Variants in ADCY1 observed in about 807,000 individuals in gnomAD.
The protein encoded by ADCY1 is adenylate cyclase type 1.
In ADCY1, 28 loss-of-function variants were observed where a neutral mutation model predicts 105.4. The observed-to-expected ratio is 0.27, with a 90% CI of 0.20 to 0.36. ADCY1 has a LOEUF of 0.36. Ranked by LOEUF, ADCY1 falls within the 10% of genes least tolerant of loss-of-function variation. ADCY1 has a pLI of 1.00. For missense variants in ADCY1, 977 were observed against 1,434.2 expected (o/e 0.68, Z 5.15); for synonymous variants, 655 against 623.8 (o/e 1.05, Z -0.75).
Position 45,708,333 on chromosome 7 carries a change from C to T in ADCY1, c.2818-17C>T, listed in dbSNP as rs763196824. On this transcript the variant is annotated splice_polypyrimidine_tract_variant and intron_variant, in intron 17 of 19. Transcript: ENST00000297323. This position sits in a 1 kb window ranked among gnomAD's most constrained non-coding sequence, Gnocchi z 4.7. ...TTGCACTCCCCAGATGTAATGACCC[C>T]ATCTGTTTACACCTAGGCTAAGAAG... is the stretch of plus-strand genomic sequence containing the variant. 5.0e-6 allele frequency: 8 copies of T among 1,592,818 alleles called. No homozygotes were observed. Among genetic ancestry groups the T allele is most frequent in the African/African-American group, 1.3e-5 (1 of 74,488 alleles).
intron 4 of ADCY1, among the ~76,000 whole-genome samples, chr7:45,627,394 C>T (rs142751802): frequency 6.6e-6 from 1 of 152,338 alleles, no homozygotes; most frequent in African/African-American, 2.4e-5. Context: ...GCTAACCCTA[C>T]TCATTCATCA....
chr7:45,608,776 G>A (rs917234656), intron 2 of ADCY1, among the ~76,000 whole-genome samples: 1 of 152,192 alleles, frequency 6.6e-6, no homozygotes, highest in East Asian at 1.9e-4. Flanking sequence ...GAGGCCACAT[G>A]GGGGCTGCGG....
rs1229167516 is a variant in ADCY1 at position 45,718,467 on chromosome 7, T to C, written c.*4472T>C. 6.6e-6 allele frequency: 1 copy of C among 151,762 alleles called. No individual in the cohort carries two copies. Among genetic ancestry groups the C allele is most frequent in the African/African-American group, 2.4e-5 (1 of 41,250 alleles). The allele number at this position is 151,762 out of a possible 1,614,324, so 9.4% of individuals were successfully genotyped here. On this transcript the variant is annotated 3_prime_UTR_variant, in exon 20 of 20. Transcript: ENST00000297323. ...CTAGGCTTGCCTGGGTGTGAGAAGG[T>C]CGAACTGGGTGGCTTAGGCCTTCAA...
At chr7:45,670,771 A>C (rs947432119) in intron 8 of ADCY1, among the ~76,000 whole-genome samples, 13 of 151,982 alleles carry the variant, frequency 8.6e-5, no homozygotes, top group African/African-American at 3.1e-4. Flanking sequence ...CCCTGACCTG[A>C]GGGTAGACTT....
chr7:45,617,477 G>A (rs957704677), intron 3 of ADCY1, among the ~76,000 whole-genome samples: 1 of 152,338 alleles, frequency 6.6e-6, no homozygotes, highest in East Asian at 1.9e-4. Context: ...GGCCAAGGCT[G>A]TGACTGCTGG....
At chr7:45,606,211 G>T (rs1793368391) in intron 2 of ADCY1, among the ~76,000 whole-genome samples, 1 of 152,022 alleles carries the variant, frequency 6.6e-6, no homozygotes, top group Non-Finnish European at 1.5e-5. Context: ...TTACCAGCAG[G>T]TGGAGAGGGA....
intron 11 of ADCY1, among the ~76,000 whole-genome samples, chr7:45,683,863 C>T (rs1026832717): frequency 8.5e-5 from 13 of 152,232 alleles, no homozygotes; most frequent in Admixed American, 6.5e-4. Context: ...GGATCTTGCT[C>T]TAAAATCCTG....
At chr7:45,711,317 T>A (rs1785226320) in intron 19 of ADCY1, among the ~76,000 whole-genome samples, 1 of 151,914 alleles carries the variant, frequency 6.6e-6, no homozygotes, top group Non-Finnish European at 1.5e-5. Context: ...CCAGAGGCCA[T>A]GGAGGGAAGG....
intron 2 of ADCY1, among the ~76,000 whole-genome samples, chr7:45,593,649 C>T (rs1366446222): frequency 6.6e-6 from 1 of 152,208 alleles, no homozygotes; most frequent in Non-Finnish European, 1.5e-5. Context: ...TAGATTCTTC[C>T]CCTAGCCTTG....
rs1015570067 is a variant in ADCY1 at position 45,647,649 on chromosome 7, C to G, written c.1021-1021C>G. 2.0e-5 allele frequency among the ~76,000 whole-genome samples: 3 copies of G among 152,262 alleles called. No individual in the cohort carries two copies. In the East Asian group the frequency reaches 5.8e-4, roughly 29 times the overall value. The stretch of plus-strand genomic sequence containing the variant: ...GGATGCAGAAGTGGGTCACAGAATC[C>G]ACTGTCTGCCCTGGAGATGACGGCA... On this transcript the variant is annotated intron_variant, in intron 4 of 19. Coordinates refer to ENST00000297323, the MANE Select transcript of ADCY1 (RefSeq NM_021116.4). This position sits in a 1 kb window ranked among gnomAD's most constrained non-coding sequence, Gnocchi z 4.6.
chr7:45,668,278 C>G (rs561060963), intron 8 of ADCY1, among the ~76,000 whole-genome samples: 249 of 152,300 alleles, frequency 1.6e-3, no homozygotes, highest in African/African-American at 5.8e-3. Flanking sequence ...TCATAAATAG[C>G]TCTTACTATT....
rs149053434 is a variant in ADCY1, at chr7:45,686,060, C to T, written c.2172C>T (p.Cys724=). ...GQRTALPTLP[C]ESTHHALLCC... ...GCACAGCCCTGCCCACCCTGCCCTG[C>T]GAGTCTACACACCATGCCCTGCTCT... is the stretch of plus-strand genomic sequence containing the variant. The change falls in exon 13 of 20, where the codon TGC becomes TGT. Residue 724 remains cysteine (C), a synonymous_variant. Transcript: ENST00000297323. The surrounding 1 kb of genome is among the most constrained non-coding windows in gnomAD (Gnocchi z 4.3). 7.0e-5 allele frequency: 113 copies of T among 1,610,688 alleles called. No individual in the cohort carries two copies. Among genetic ancestry groups the T allele is most frequent in the Admixed American group, 1.2e-4 (7 of 59,704 alleles).
intron 3 of ADCY1, among the ~76,000 whole-genome samples, chr7:45,613,425 A>T (rs1433329203): frequency 6.6e-6 from 1 of 152,202 alleles, no homozygotes; most frequent in African/African-American, 2.4e-5. Context: ...AATGGAAAAG[A>T]CTGAAGAAAG....
chr7:45,714,327 A>T lies in ADCY1; in HGVS notation c.*332A>T. The T allele has an allele frequency of 2.9e-6, 1 of 341,064 alleles. No individual in the cohort carries two copies. The highest frequency in any genetic ancestry group is 5.4e-6 in the Non-Finnish European group (1 of 184,868). The allele number at this position is 341,064 out of a possible 1,614,324, so 21.1% of individuals were successfully genotyped here. ...GTTCAGGTTTGGCCAGGTCGGCATC[A>T]ATGTAAGGACCTTCAGAGCATCCCA... is the stretch of plus-strand genomic sequence containing the variant. On this transcript the variant is annotated 3_prime_UTR_variant, in exon 20 of 20. Transcript: ENST00000297323.
chr7:45,656,247 G>T (rs1468104774), intron 5 of ADCY1, among the ~76,000 whole-genome samples: 2 of 152,010 alleles, frequency 1.3e-5, no homozygotes, highest in Non-Finnish European at 2.9e-5. Flanking sequence ...AGCTTGCAGT[G>T]AGGGGAGATA....
rs1285594233 is a variant in ADCY1 at position 45,694,056 on chromosome 7, G to A, written c.2454+7383G>A. 2.3e-4 allele frequency among the ~76,000 whole-genome samples: 28 copies of A among 123,872 alleles called. 1 individual carries two copies. The highest frequency in any genetic ancestry group is 4.4e-4 in the Non-Finnish European group (27 of 61,368). 81.3% of individuals were successfully genotyped at this position (123,872 alleles called of 152,430 possible). ...GGTGCAGCGCACCAGCATGGCACATGTATACATATGTAACTAAGCTGCACA... is the reference window on the plus strand; with the variant it reads ...GGTGCAGCGCACCAGCATGGCACATATATACATATGTAACTAAGCTGCACA... On this transcript the variant is annotated intron_variant, in intron 14 of 19. Transcript: ENST00000297323.
At chr7:45,587,190 C>G (rs1792756402) in intron 1 of ADCY1, among the ~76,000 whole-genome samples, 1 of 152,150 alleles carries the variant, frequency 6.6e-6, no homozygotes, top group Non-Finnish European at 1.5e-5. Flanking sequence ...AGGGAAACCC[C>G]TCTGGGCCAA....
intron 8 of ADCY1, among the ~76,000 whole-genome samples, chr7:45,674,562 CG>C (rs1336450775): frequency 2.0e-5 from 3 of 151,990 alleles, no homozygotes; most frequent in Non-Finnish European, 2.9e-5. Flanking sequence ...TTAGTGGAGA[CG>C]GGGTTTCAGC....
chr7:45,598,126 A>C (rs894376721), intron 2 of ADCY1, among the ~76,000 whole-genome samples: 11 of 152,194 alleles, frequency 7.2e-5, no homozygotes, highest in Non-Finnish European at 1.6e-4. Flanking sequence ...TATCATGGTT[A>C]GGAATGTAAG....
Sources: allele counts gnomAD v4.1 joint callset (sites outside exome capture counted in the v4.1 genomes callset), GRCh38; gene constraint gnomAD v4.1.1; non-coding constraint Gnocchi (gnomAD v3.1); transcripts MANE v1.5; gene names NCBI Gene and HGNC (gene_info 2026-07-23, HGNC 2026-07-21).